RABGAP1L: variants seen among roughly 807,000 people sequenced by gnomAD.
RABGAP1L encodes the protein RAB GTPase activating protein 1 like, also known as rab GTPase-activating protein 1-like.
RABGAP1L carries 63 observed loss-of-function variants against 137.7 expected under a neutral mutation model. That is an observed-to-expected ratio of 0.46 (90% confidence interval 0.37 to 0.56). The LOEUF (loss-of-function observed/expected upper bound fraction) is 0.56, where lower values mean the gene tolerates loss of function less well. Among genes scored for constraint, RABGAP1L ranks in the 20% least tolerant of loss-of-function variants. RABGAP1L has a pLI of 0.00. For synonymous variants in RABGAP1L, 431 were observed against 433.7 expected (o/e 0.99, Z 0.08); for missense variants, 1,095 against 1,244.0 (o/e 0.88, Z 1.80).
chr1:174,664,734 C>CTTTTTTTTTTTTTTTTTTTTTTTTTTTT (rs71701825), intron 14 of RABGAP1L, among the ~76,000 whole-genome samples: 1 of 97,580 alleles, frequency 1.0e-5, no homozygotes, highest in African/African-American at 5.2e-5. Context: ...TTTCTGCTTT[C>CTTTTTTTTTTTTTTTTTTTTTTTTTTTT]TTTTTTTTTT....
At chr1:174,762,191 T>C (rs1255052034) in intron 18 of RABGAP1L, among the ~76,000 whole-genome samples, 1 of 152,160 alleles carries the variant, frequency 6.6e-6, no homozygotes, top group Non-Finnish European at 1.5e-5. Context: ...AAGGCCTCCA[T>C]TGCTCTTAGG....
chr1:174,656,532 A>C (rs538260072), intron 14 of RABGAP1L, among the ~76,000 whole-genome samples: 5 of 152,332 alleles, frequency 3.3e-5, no homozygotes, highest in Admixed American at 3.3e-4. Flanking sequence ...AACCATTACT[A>C]CTGTTTAATT....
intron 13 of RABGAP1L, among the ~76,000 whole-genome samples, chr1:174,514,474 G>A (rs1212705765): frequency 1.3e-5 from 2 of 152,140 alleles, no homozygotes; most frequent in African/African-American, 4.8e-5. Context: ...GTAATCTGCT[G>A]TAAGTTATAA....
chr1:174,820,799 C>T (rs1047421561), intron 19 of RABGAP1L, among the ~76,000 whole-genome samples: 1 of 151,998 alleles, frequency 6.6e-6, no homozygotes, highest in Non-Finnish European at 1.5e-5. Context: ...GGCAGATCGC[C>T]TGAGCTCAGG....
At chr1:174,613,186 G>A (rs950395934) in intron 13 of RABGAP1L, among the ~76,000 whole-genome samples, 9 of 150,580 alleles carry the variant, frequency 6.0e-5, no homozygotes, top group African/African-American at 1.2e-4. Context: ...TTTCTCTTGT[G>A]GGCATTTAGT....
intron 13 of RABGAP1L, among the ~76,000 whole-genome samples, chr1:174,442,563 A>G (rs1654280818): frequency 6.6e-6 from 1 of 152,122 alleles, no homozygotes; most frequent in African/African-American, 2.4e-5. Context: ...TTTTTTTCCA[A>G]CTTTTATTTT....
At position 174,714,845 on chromosome 1, in the gene RABGAP1L, A is replaced by G. The variant is rs538502866; in HGVS notation, c.2169+12589A>G. On this transcript the variant is annotated intron_variant, in intron 17 of 25. Transcript: ENST00000681986. ...TTTTTACAGGGCCTAAAAGATCTCTAAGTATTTCTAGTGTGTGTGTAATTT... is the reference window on the plus strand; with the variant it reads ...TTTTTACAGGGCCTAAAAGATCTCTGAGTATTTCTAGTGTGTGTGTAATTT... 3.3e-5 allele frequency among the ~76,000 whole-genome samples: 5 copies of G among 152,258 alleles called. No homozygotes were observed. In the South Asian group the frequency reaches 8.3e-4, roughly 25 times the overall value.
chr1:174,401,735 T>C (rs1487914163), intron 13 of RABGAP1L, among the ~76,000 whole-genome samples: 1 of 152,176 alleles, frequency 6.6e-6, no homozygotes, highest in East Asian at 1.9e-4. Context: ...TTGAGGAGTT[T>C]ACAGCCCAGT....
At chr1:174,240,773 G>A (rs1427208162) in intron 4 of RABGAP1L, among the ~76,000 whole-genome samples, 11 of 152,134 alleles carry the variant, frequency 7.2e-5, no homozygotes, top group African/African-American at 2.4e-4. Context: ...ATTCTAGATT[G>A]GCATTCCTTT....
chr1:174,672,688 T>A (rs1677275147), intron 14 of RABGAP1L, among the ~76,000 whole-genome samples: 1 of 152,128 alleles, frequency 6.6e-6, no homozygotes, highest in Non-Finnish European at 1.5e-5. Flanking sequence ...AAATTTTAAA[T>A]TTTATTTATA....
At chr1:174,849,469 A>C (rs964234898) in intron 19 of RABGAP1L, among the ~76,000 whole-genome samples, 1 of 152,208 alleles carries the variant, frequency 6.6e-6, no homozygotes, top group South Asian at 2.1e-4. Flanking sequence ...TGACATGTAC[A>C]TATAAAATAT....
intron 19 of RABGAP1L, among the ~76,000 whole-genome samples, chr1:174,885,922 G>A (rs1294799700): frequency 6.6e-6 from 1 of 151,496 alleles, no homozygotes; most frequent in Non-Finnish European, 1.5e-5. Context: ...AGCCGAGATC[G>A]CACCACTGCA....
chr1:174,516,928 A>AAAATAAATAAATAAATAAAT (rs147145926), intron 13 of RABGAP1L, among the ~76,000 whole-genome samples: 6 of 141,100 alleles, frequency 4.3e-5, no homozygotes, highest in African/African-American at 7.9e-5. Flanking sequence ...CTCTGTCTCA[A>AAAATAAATAAATAAATAAAT]AAATAAATAA....
intron 14 of RABGAP1L, among the ~76,000 whole-genome samples, chr1:174,669,492 A>G (rs1677029794): frequency 6.6e-6 from 1 of 152,188 alleles, no homozygotes; most frequent in East Asian, 1.9e-4. Flanking sequence ...GTTTGATGCA[A>G]TCACATTTGT....
chr1:174,929,797 T>TA (rs1278399511), intron 19 of RABGAP1L, among the ~76,000 whole-genome samples: 2 of 148,768 alleles, frequency 1.3e-5, no homozygotes, highest in East Asian at 2.0e-4. Context: ...AATAAATAAA[T>TA]AAGAAATTTA....
intron 18 of RABGAP1L, chr1:174,756,996 C>A (rs1209752385): frequency 6.8e-6 from 6 of 888,312 alleles, no homozygotes; most frequent in Non-Finnish European, 7.0e-6. Context: ...ACAACATAGG[C>A]CTTGTCAAAG....
At chr1:174,479,461 G>A (rs762858179) in intron 13 of RABGAP1L, among the ~76,000 whole-genome samples, 1 of 152,098 alleles carries the variant, frequency 6.6e-6, no homozygotes, top group Non-Finnish European at 1.5e-5. Context: ...AAACTCCTCA[G>A]ATTTTGATGC....
At chr1:174,337,895 CCTTT>C (rs1268532548) in intron 11 of RABGAP1L, among the ~76,000 whole-genome samples, 3 of 152,046 alleles carry the variant, frequency 2.0e-5, no homozygotes, top group African/African-American at 4.8e-5. Context: ...ACAAAAAGTT[CCTTT>C]AAGATTGCTT....
At chr1:174,388,760 A>C (rs2149069985) in intron 12 of RABGAP1L, among the ~76,000 whole-genome samples, 1 of 152,252 alleles carries the variant, frequency 6.6e-6, no homozygotes, top group Middle Eastern at 3.4e-3. Context: ...TTTTAGCAGG[A>C]AGAATATGCA....
Sources: gnomAD v4.1 joint callset for allele counts (sites outside exome capture counted in the v4.1 genomes callset) on GRCh38, gnomAD v4.1.1 for gene constraint, MANE v1.5 for transcripts, NCBI Gene and HGNC (gene_info 2026-07-23, HGNC 2026-07-21) for gene names.